Variants in ABCC6 observed in about 807,000 individuals in gnomAD.
ABCC6 encodes the protein ATP binding cassette subfamily C member 6, also known as ATP-binding cassette sub-family C member 6.
Under a neutral mutation model 169.5 loss-of-function variants are expected in ABCC6, and 126 were observed. The observed-to-expected ratio is 0.74, with a 90% CI of 0.64 to 0.86. ABCC6 has a LOEUF of 0.86. Among genes scored for constraint, ABCC6 ranks in the 40% least tolerant of loss-of-function variants. The pLI, the probability that ABCC6 is intolerant of heterozygous loss-of-function variation, is 0.00. For synonymous variants in ABCC6, 752 were observed against 814.7 expected (o/e 0.92, Z 1.31); for missense variants, 1,733 against 1,927.2 (o/e 0.90, Z 1.89).
chr16:16,221,678 G>T lies in ABCC6; in HGVS notation c.190C>A (p.Arg64=), dbSNP rs557180313. 3 of 1,613,940 alleles carry T rather than the reference G, an allele frequency of 1.9e-6. No homozygotes were observed. The Admixed American group carries it at 5.0e-5, about 27-fold the overall frequency. Residue 64 remains arginine (R), a synonymous_variant, in exon 2 of 31, where the codon CGG becomes AGG. Transcript: ENST00000205557. ...FIHHHGRGYL[R]MSPLFKAKMV... ...TTGGCTTTGAAGAGTGGGGACATCC[G>T]GAGGTAGCCCCGGCCATGGTGGTGG... is the stretch of plus-strand genomic sequence containing the variant.
rs369816256 is a variant in ABCC6, at chr16:16,187,154, C to T, written c.1837G>A (p.Gly613Ser). 1.1e-5 allele frequency: 18 copies of T among 1,613,634 alleles called. No homozygotes were observed. The highest frequency in any genetic ancestry group is 1.4e-5 in the Non-Finnish European group (16 of 1,179,826). The change falls in exon 14 of 31, where the codon GGT (glycine) becomes AGT (serine). Residue 613 changes from glycine to serine, a missense_variant. By Grantham distance (56) the Gly-to-Ser change is moderately conservative. This residue lies in a region of ABCC6 where 1,601 missense variants were observed against 1,635.5 expected (regional missense o/e 0.98). Coordinates refer to ENST00000205557, the MANE Select transcript of ABCC6 (RefSeq NM_001171.6). Reference sequence around the variant, plus strand: ...CCAGAGGAACTTGAGTCTACGACACCAGGGTCAACTTCTTCCAGGCAGAGG... The same window carrying T: ...CCAGAGGAACTTGAGTCTACGACACTAGGGTCAACTTCTTCCAGGCAGAGG... ...TFLCLEEVDP[G>S]VVDSSSSGSA...
chr16:16,179,028 G>A, intron 17 of ABCC6, 63 bp from the exon 18 acceptor site: 1 of 1,566,138 alleles, frequency 6.4e-7, no homozygotes. Flanking sequence ...GGGGTGCCCA[G>A]GCTGTGGCAG....
intron 7 of ABCC6, among the ~76,000 whole-genome samples, chr16:16,208,379 G>T (rs1472914224): frequency 4.8e-5 from 7 of 145,830 alleles, no homozygotes; most frequent in South Asian, 4.3e-4. Flanking sequence ...TTGTTTGTTT[G>T]TTTTTTTTTT....
chr16:16,193,707 C>A (rs1283436883), intron 10 of ABCC6, among the ~76,000 whole-genome samples: 1 of 152,204 alleles, frequency 6.6e-6, no homozygotes, highest in Admixed American at 6.5e-5. Context: ...GAGTGAGACT[C>A]CGTCTCAAAA....
intron 4 of ABCC6, among the ~76,000 whole-genome samples, chr16:16,214,873 G>A (rs866911043): frequency 6.6e-6 from 1 of 152,136 alleles, no homozygotes; most frequent in Non-Finnish European, 1.5e-5. Context: ...GCCTCCCAAA[G>A]TGTTGGGATT....
chr16:16,202,898 C>T (rs1454000343), intron 8 of ABCC6, among the ~76,000 whole-genome samples: 1 of 152,130 alleles, frequency 6.6e-6, no homozygotes, highest in Non-Finnish European at 1.5e-5. Flanking sequence ...TGGCTCTGAG[C>T]CTAGGCCTCA....
intron 14 of ABCC6, among the ~76,000 whole-genome samples, chr16:16,186,832 C>T (rs1363170702): frequency 1.3e-5 from 2 of 152,100 alleles, no homozygotes; most frequent in African/African-American, 4.8e-5. Context: ...TCCACAAAAC[C>T]AGTCCCTGGT....
chr16:16,177,214 T>A (rs1015388011), intron 19 of ABCC6, among the ~76,000 whole-genome samples: 2 of 152,160 alleles, frequency 1.3e-5, no homozygotes, highest in African/African-American at 4.8e-5. Context: ...TGTGTGAGAA[T>A]CAAATGAAAT....
intron 22 of ABCC6, among the ~76,000 whole-genome samples, chr16:16,166,172 T>G (rs749006770): frequency 6.6e-6 from 1 of 152,138 alleles, no homozygotes; most frequent in African/African-American, 2.4e-5. Context: ...CGCCTCACCC[T>G]CCGAGTAGCT....
At chr16:16,204,052 T>C (rs1434036268) in intron 7 of ABCC6, among the ~76,000 whole-genome samples, 1 of 152,040 alleles carries the variant, frequency 6.6e-6, no homozygotes. Context: ...ACTTTTCTTT[T>C]TTCTTTTCCT....
chr16:16,174,496 C>T (rs2644987), intron 20 of ABCC6, among the ~76,000 whole-genome samples: 58,389 of 151,952 alleles, frequency 0.38, 12,162 homozygotes, highest in South Asian at 0.67. Context: ...GTGGCTCACG[C>T]GTGTAATCCC....
In ABCC6 at chr16:16,150,202, G is replaced by C; in HGVS notation, c.4443C>G (p.Gly1481=). The C allele has an allele frequency of 4.3e-6, 7 of 1,614,014 alleles. No homozygotes were observed. The highest frequency in any genetic ancestry group is 5.9e-6 in the Non-Finnish European group (7 of 1,180,040). Residue 1481 remains glycine (G), a synonymous_variant, in exon 31 of 31, where the codon GGC becomes GGG. Transcript: ENST00000205557. The part of the protein sequence containing the change: ...VMDKGQVAES[G]SPAQLLAQKG... ...TCTGGGCCAGCAGCTGGGCCGGGCT[G>C]CCGCTCTCTGCCACCTGCCCCTTGT...
intron 10 of ABCC6, among the ~76,000 whole-genome samples, chr16:16,196,366 A>G (rs191366855): frequency 3.3e-5 from 5 of 152,330 alleles, no homozygotes; most frequent in Admixed American, 3.3e-4. Flanking sequence ...AAGGGCAGAG[A>G]TGAATATTTG....
intron 21 of ABCC6, among the ~76,000 whole-genome samples, chr16:16,170,919 CAA>C (rs1220574453): frequency 0.022 from 487 of 22,302 alleles, 18 homozygotes; most frequent in African/African-American, 0.072. Flanking sequence ...AACTCTGTCT[CAA>C]AAAAAAAAAA....
In ABCC6 at chr16:16,198,041, A is replaced by G. The variant is rs72653766; in HGVS notation, c.1318T>C (p.Cys440Arg). 2 of 1,614,178 alleles carry G rather than the reference A, an allele frequency of 1.2e-6. No homozygotes were observed. The highest frequency in any genetic ancestry group is 1.7e-6 in the Non-Finnish European group (2 of 1,180,032). Residue 440 changes from cysteine to arginine, a missense_variant, in exon 10 of 31, where the codon TGC becomes CGC. This residue lies in a region of ABCC6 where 1,601 missense variants were observed against 1,635.5 expected (regional missense o/e 0.98). Transcript: ENST00000205557. ...LWLPLVWIVVCFVYLWQLLGP... is the reference protein window; with the variant it reads ...LWLPLVWIVVRFVYLWQLLGP... ...CATACCTGCCAGAGATAGACGAAGC[A>G]GACCACGATCCAGACGAGAGGCAGC...
rs751418161 is a variant in ABCC6, at chr16:16,150,258, G to T, written c.4404-17C>A. 6.2e-7 allele frequency: 1 copy of T among 1,613,842 alleles called. No homozygotes were observed. Among genetic ancestry groups the T allele is most frequent in the Non-Finnish European group, 8.5e-7 (1 of 1,179,940 alleles). On this transcript the variant is annotated splice_polypyrimidine_tract_variant and intron_variant, in intron 30 of 30. Transcript: ENST00000205557. The stretch of plus-strand genomic sequence containing the variant: ...ACCAGAACCCTGTGGGGGAGAGGGA[G>T]ACAGAGAGGCTCTTTGGACACCAGC...
At chr16:16,150,457 T>A (rs2046354300) in intron 30 of ABCC6, 121 bp downstream of exon 30, 1 of 1,502,418 alleles carries the variant, frequency 6.7e-7, no homozygotes. Flanking sequence ...TTCCTCCCGC[T>A]CTGGCCCCAT....
intron 11 of ABCC6, among the ~76,000 whole-genome samples, chr16:16,191,469 G>T (rs986877030): frequency 6.6e-6 from 1 of 152,086 alleles, no homozygotes; most frequent in Non-Finnish European, 1.5e-5. Context: ...AGGAGTCCAC[G>T]CAGGAGGCTG....
chr16:16,192,825 C>T lies in ABCC6; in HGVS notation c.1431+5G>A. The T allele has an allele frequency of 6.2e-7, 1 of 1,613,554 alleles. No individual in the cohort carries two copies. Among genetic ancestry groups the T allele is most frequent in the South Asian group, 1.1e-5 (1 of 91,030 alleles). ...CCTGGTCCGTCCCTTTCCCAAAAGC[C>T]AAACCTGATGGTGGTTCCTTTTCTT... On this transcript the variant is annotated splice_donor_5th_base_variant and intron_variant, in intron 11 of 30. Coordinates refer to ENST00000205557, the MANE Select transcript of ABCC6 (RefSeq NM_001171.6).
Sources: allele counts gnomAD v4.1 joint callset (sites outside exome capture counted in the v4.1 genomes callset), GRCh38; gene constraint gnomAD v4.1.1; regional missense constraint gnomAD v4.1.1; transcripts MANE v1.5; gene names NCBI Gene and HGNC (gene_info 2026-07-23, HGNC 2026-07-21).